The following LRIG1 variants were observed in gnomAD, a reference collection of about 807,000 sequenced individuals.
LRIG1 encodes the protein leucine rich repeats and immunoglobulin like domains 1.
In LRIG1, 48 loss-of-function variants were observed where a neutral mutation model predicts 99.2. That is an observed-to-expected ratio of 0.48 (90% CI 0.38 to 0.62). The LOEUF is 0.62. Among genes scored for constraint, LRIG1 ranks in the 20% least tolerant of loss-of-function variants. The probability of loss-of-function intolerance (pLI) is 0.00; values close to 1 mark genes in which losing one functional copy is unlikely to be tolerated. For missense variants in LRIG1, 1,646 were observed against 1,434.4 expected (o/e 1.15, Z -2.38); for synonymous variants, 772 against 596.1 (o/e 1.29, Z -4.30).
intron 7 of LRIG1, among the ~76,000 whole-genome samples, chr3:66,407,857 C>G (rs539425713): frequency 2.0e-5 from 3 of 152,334 alleles, no homozygotes; most frequent in South Asian, 2.1e-4. Flanking sequence ...CAAAAGACCT[C>G]TCTCATAGCA....
rs752586880 is a variant in LRIG1 at position 66,383,121 on chromosome 3, T to A, written c.2352A>T (p.Ala784=). ...CCGTGGTCCCATCCTTCCTGCAGCC[T>A]GCTGCGGGCAGGACGCTCAGCTGGC... The part of the protein sequence containing the change: ...AHSQLSVLPA[A]GCRKDGTTVG... The change falls in exon 15 of 19, where the codon GCA becomes GCT. Residue 784 remains alanine (A), a synonymous_variant. Coordinates refer to ENST00000273261, the MANE Select transcript of LRIG1 (RefSeq NM_015541.3). The A allele has an allele frequency of 7.4e-6, 12 of 1,614,138 alleles. No individual in the cohort carries two copies. In the East Asian group the frequency reaches 2.5e-4, roughly 33 times the overall value.
At chr3:66,402,127 C>T (rs914267472) in intron 9 of LRIG1, among the ~76,000 whole-genome samples, 14 of 152,150 alleles carry the variant, frequency 9.2e-5, no homozygotes, top group Non-Finnish European at 1.8e-4. Flanking sequence ...CCCCTCCCTC[C>T]GAGGAATGCC....
At chr3:66,485,155 C>CAA (rs60055293) in intron 1 of LRIG1, among the ~76,000 whole-genome samples, 45 of 126,274 alleles carry the variant, frequency 3.6e-4, no homozygotes, top group African/African-American at 1.4e-3. Flanking sequence ...AAGACCCTCT[C>CAA]AAAAAAAAAA....
chr3:66,415,090 G>A, intron 4 of LRIG1, 27 bp from the exon 5 acceptor site: 3 of 1,576,110 alleles, frequency 1.9e-6, no homozygotes, highest in Non-Finnish European at 1.7e-6. Flanking sequence ...AAGAAAATGT[G>A]GTGGTTGGTC....
chr3:66,462,399 C>T, intron 2 of LRIG1, 39 bp downstream of exon 2: 1 of 1,502,800 alleles, frequency 6.7e-7, no homozygotes. Context: ...AAAGAGCTCT[C>T]CATCCTTCCA....
chr3:66,399,870 G>C (rs1232043812), intron 9 of LRIG1, among the ~76,000 whole-genome samples: 1 of 152,218 alleles, frequency 6.6e-6, no homozygotes, highest in African/African-American at 2.4e-5. Context: ...CAGTAAAATA[G>C]GCATCCATCA....
chr3:66,495,773 A>C (rs573291664), intron 1 of LRIG1, among the ~76,000 whole-genome samples: 2 of 152,320 alleles, frequency 1.3e-5, no homozygotes, highest in East Asian at 3.9e-4. Flanking sequence ...GTGCATTGTT[A>C]AGTCACACAA....
chr3:66,460,682 G>A (rs1181172071), intron 2 of LRIG1, among the ~76,000 whole-genome samples: 1 of 152,198 alleles, frequency 6.6e-6, no homozygotes, highest in Admixed American at 6.5e-5. Context: ...ATGAATTTCT[G>A]CTGTTCAAGG....
intron 14 of LRIG1, 89 bp from the exon 15 acceptor site, chr3:66,383,490 A>G (rs773412840): frequency 1.0e-4 from 120 of 1,172,246 alleles, no homozygotes; most frequent in Non-Finnish European, 1.3e-4. Context: ...ACAATCCAAC[A>G]TATCAATGAG....
At position 66,394,216 on chromosome 3, in the gene LRIG1, C is replaced by G; in HGVS notation, c.1305-13G>C. The G allele has an allele frequency of 6.4e-7, 1 of 1,569,308 alleles. No homozygotes were observed. The highest frequency in any genetic ancestry group is 8.6e-7 in the Non-Finnish European group (1 of 1,159,626). The stretch of plus-strand genomic sequence containing the variant: ...GCTGCTGATATGGCTGAAAGAAACA[C>G]AACAGTGGATGCTTCAGGTGCAGCC... On this transcript the variant is annotated splice_polypyrimidine_tract_variant and intron_variant, in intron 11 of 18. Transcript: ENST00000273261.
At chr3:66,393,994 C>A in intron 12 of LRIG1, 46 bp downstream of exon 12, 1 of 1,601,782 alleles carries the variant, frequency 6.2e-7, no homozygotes, top group African/African-American at 1.3e-5. Context: ...CTCCTGGCTT[C>A]CTTGTCCTTC....
chr3:66,407,854 C>T (rs1297014249), intron 7 of LRIG1, among the ~76,000 whole-genome samples: 1 of 152,238 alleles, frequency 6.6e-6, no homozygotes, highest in African/African-American at 2.4e-5. Context: ...CTACAAAAGA[C>T]CTCTCTCATA....
At chr3:66,436,094 A>T (rs1575689678) in intron 3 of LRIG1, among the ~76,000 whole-genome samples, 1 of 152,000 alleles carries the variant, frequency 6.6e-6, no homozygotes, top group Non-Finnish European at 1.5e-5. Context: ...GAGGGCTGGG[A>T]CTCCTAGAGA....
chr3:66,384,509 C>T (rs1057367302), intron 13 of LRIG1, among the ~76,000 whole-genome samples: 3 of 152,140 alleles, frequency 2.0e-5, no homozygotes, highest in African/African-American at 7.2e-5. Context: ...TGGCTATAGT[C>T]CCTTCAAAGC....
At chr3:66,466,882 G>A (rs1041934243) in intron 1 of LRIG1, among the ~76,000 whole-genome samples, 4 of 152,166 alleles carry the variant, frequency 2.6e-5, no homozygotes, top group African/African-American at 7.2e-5. Context: ...AAGAAACCTC[G>A]GAGAATTTAG....
chr3:66,442,508 G>A (rs538900480), intron 3 of LRIG1, among the ~76,000 whole-genome samples: 29 of 152,220 alleles, frequency 1.9e-4, no homozygotes, highest in Middle Eastern at 6.8e-3. Context: ...CTGTTGATAT[G>A]GGCTGGAGCC....
At chr3:66,387,063 T>C (rs1411829160) in intron 12 of LRIG1, 1 of 147,054 alleles carries the variant, frequency 6.8e-6, no homozygotes, top group Non-Finnish European at 1.5e-5. Context: ...TTTGCATTGA[T>C]TTGCCCTGAT....
chr3:66,384,352 T>G, intron 13 of LRIG1, 80 bp from the exon 14 acceptor site: 1 of 1,433,792 alleles, frequency 7.0e-7, no homozygotes, highest in Non-Finnish European at 9.7e-7. Flanking sequence ...AACACCTACC[T>G]GTCACTGTGC....
chr3:66,450,078 G>A (rs1033372549), intron 3 of LRIG1, among the ~76,000 whole-genome samples: 14 of 152,060 alleles, frequency 9.2e-5, no homozygotes, highest in Non-Finnish European at 1.9e-4. Flanking sequence ...CACATAAGAC[G>A]AACTCATTGA....
Sources: gnomAD v4.1 joint callset for allele counts (sites outside exome capture counted in the v4.1 genomes callset) on GRCh38, gnomAD v4.1.1 for gene constraint, MANE v1.5 for transcripts, NCBI Gene and HGNC (gene_info 2026-07-23, HGNC 2026-07-21) for gene names.